KNSTRN: variants seen among roughly 807,000 people sequenced by gnomAD.
KNSTRN encodes the protein kinetochore localized astrin (SPAG5) binding protein.
KNSTRN carries 38 observed loss-of-function variants against 44.7 expected under a neutral mutation model. That is an observed-to-expected ratio of 0.85 (90% CI 0.66 to 1.11). KNSTRN has a LOEUF of 1.11. Among genes scored for constraint, KNSTRN ranks in the 50% most tolerant of loss-of-function variants. KNSTRN has a pLI of 0.00. For synonymous variants in KNSTRN, 158 were observed against 148.1 expected, an observed-to-expected ratio of 1.07 and a Z score of -0.48; for missense variants, 406 against 375.8, an observed-to-expected ratio of 1.08 and a Z score of -0.66.
rs1342873455 is a variant in KNSTRN, at chr15:40,391,486, C to T, written c.686-7C>T. 6.2e-7 allele frequency: 1 copy of T among 1,612,690 alleles called. No homozygotes were observed. Among genetic ancestry groups the T allele is most frequent in the Admixed American group, 1.7e-5 (1 of 60,006 alleles). Reference sequence around the variant, plus strand: ...CTAAGTGAGATTGACTTTGTTGTATCCATCAGCTTTAGGCAGTGAGACCCT... The same window carrying T: ...CTAAGTGAGATTGACTTTGTTGTATTCATCAGCTTTAGGCAGTGAGACCCT... On this transcript the variant is annotated splice_polypyrimidine_tract_variant and splice_region_variant and intron_variant, in intron 6 of 8. Coordinates refer to ENST00000249776, the MANE Select transcript of KNSTRN (RefSeq NM_033286.4).
rs763375505 is a variant in KNSTRN at position 40,389,536 on chromosome 15, G to A, written c.516G>A (p.Glu172=). The change falls in exon 5 of 9, where the codon GAG becomes GAA. Residue 172 remains glutamate (E), a synonymous_variant. Transcript: ENST00000249776. The part of the protein sequence containing the change: ...GYKPLSKQKS[E]EELKDKNQLL... ...AACCACTGAGTAAGCAAAAATCAGAGGAAGAGCTCAAGGACAAGAACCAGC... is the reference window on the plus strand; with the variant it reads ...AACCACTGAGTAAGCAAAAATCAGAAGAAGAGCTCAAGGACAAGAACCAGC... 4.3e-6 allele frequency: 7 copies of A among 1,614,040 alleles called. No individual in the cohort carries two copies. The highest frequency in any genetic ancestry group is 1.3e-5 in the African/African-American group (1 of 75,044).
At position 40,388,719 on chromosome 15, in the gene KNSTRN, G is replaced by A. The variant is rs574736730; in HGVS notation, c.486-787G>A. Among the ~76,000 whole-genome samples the A allele has an allele frequency of 1.3e-3, 204 of 151,942 alleles. 1 individual carries two copies. Among genetic ancestry groups the A allele is most frequent in the African/African-American group, 4.8e-3 (197 of 41,440 alleles). On this transcript the variant is annotated intron_variant, in intron 4 of 8. Coordinates refer to ENST00000249776, the MANE Select transcript of KNSTRN (RefSeq NM_033286.4). ...CAAAAAAAAAAAAAAATGCCTTTAA[G>A]TGGTTTTCCGCCCTTGGCAGGCCAG...
In KNSTRN at chr15:40,383,031, C is replaced by T. The variant is rs530736529; in HGVS notation, c.196C>T (p.Arg66Trp). The change falls in exon 1 of 9, where the codon CGG becomes TGG. Residue 66 changes from arginine (R) to tryptophan (W), a missense_variant. Transcript: ENST00000249776. ...GAGCGAGAAGGACTGCGGGCAGGAC[C>T]GGCGGGCTCCTGGGTTCGGCTCTCC... ...NESEKDCGQD[R>W]RAPGVQPCRL... 1.3e-5 allele frequency: 21 copies of T among 1,610,702 alleles called. No individual in the cohort carries two copies. Among genetic ancestry groups the T allele is most frequent in the South Asian group, 8.8e-5 (8 of 91,006 alleles).
At chr15:40,389,653 C>G (rs78604110) in intron 5 of KNSTRN, 42 bp downstream of exon 5, 157,342 of 1,451,218 alleles carry the variant, frequency 0.11, 9,595 homozygotes, top group Non-Finnish European at 0.13. Context: ...TGCCACTGGG[C>G]GATCCACATG....
In KNSTRN at chr15:40,382,958, C is replaced by T. The variant is rs962748184; in HGVS notation, c.123C>T (p.Ala41=). The change falls in exon 1 of 9, where the codon GCC becomes GCT. Residue 41 remains alanine, a synonymous_variant. Transcript: ENST00000249776. ...YRKFLFETQA[A]DLAGGTTVAA... ...AGTTTCTATTTGAAACCCAGGCGGC[C>T]GACTTAGCCGGTGGCACGACAGTTG... 4 of 1,612,260 alleles carry T rather than the reference C, an allele frequency of 2.5e-6. No homozygotes were observed. Among genetic ancestry groups the T allele is most frequent in the Non-Finnish European group, 3.4e-6 (4 of 1,180,032 alleles).
chr15:40,392,305 G>C (rs1465663954), intron 8 of KNSTRN, among the ~76,000 whole-genome samples: 1 of 151,752 alleles, frequency 6.6e-6, no homozygotes, highest in Non-Finnish European at 1.5e-5. Context: ...CCTAGGTATT[G>C]AGCCCAGCAT....
chr15:40,384,486 G>A (rs996123592), intron 2 of KNSTRN: 3 of 455,720 alleles, frequency 6.6e-6, no homozygotes, highest in East Asian at 1.4e-4. Flanking sequence ...TGGCACCAGC[G>A]GGGACTAGGA....
At chr15:40,387,301 T>C (rs143504447) in intron 4 of KNSTRN, 95 bp downstream of exon 4, 2 of 1,051,676 alleles carry the variant, frequency 1.9e-6, no homozygotes, top group African/African-American at 1.6e-5. Flanking sequence ...ACTTGTTTAC[T>C]GTGTTAGGGT....
chr15:40,390,862 G>A (rs1238514058), intron 6 of KNSTRN, among the ~76,000 whole-genome samples: 1 of 152,132 alleles, frequency 6.6e-6, no homozygotes, highest in Non-Finnish European at 1.5e-5. Flanking sequence ...TGATCTGCCT[G>A]TCTCGGCCTC....
Position 40,393,535 on chromosome 15 carries a change from A to G in KNSTRN, c.889A>G (p.Asn297Asp). Reference sequence around the variant, plus strand: ...ATTCCTAGAACAGCAAACCTTATGTAACAATCAAGTAAATGATTTAACAAC... The same window carrying G: ...ATTCCTAGAACAGCAAACCTTATGTGACAATCAAGTAAATGATTTAACAAC... ...VRFLEQQTLC[N>D]NQVNDLTTAL... The change falls in exon 9 of 9, where the codon AAC becomes GAC. Residue 297 changes from asparagine (N) to aspartate (D), a missense_variant. By Grantham distance (23) the Asn-to-Asp change is conservative. Coordinates refer to ENST00000249776, the MANE Select transcript of KNSTRN (RefSeq NM_033286.4). The G allele has an allele frequency of 6.2e-7, 1 of 1,614,154 alleles. No homozygotes were observed. The highest frequency in any genetic ancestry group is 1.1e-5 in the South Asian group (1 of 91,086).
chr15:40,388,978 T>G (rs567296868), intron 4 of KNSTRN, among the ~76,000 whole-genome samples: 3 of 152,286 alleles, frequency 2.0e-5, no homozygotes, highest in Admixed American at 2.0e-4. Flanking sequence ...ACGTGTTTTC[T>G]CTCTTATTAC....
intron 3 of KNSTRN, 80 bp from the exon 4 acceptor site, chr15:40,387,079 A>G (rs1009378579): frequency 3.9e-6 from 4 of 1,038,748 alleles, no homozygotes; most frequent in African/African-American, 3.1e-5. Flanking sequence ...CAGAAACTCA[A>G]GCTCTTTGTT....
chr15:40,384,747 A>T, intron 2 of KNSTRN: 1 of 189,738 alleles, frequency 5.3e-6, no homozygotes, highest in Non-Finnish European at 1.1e-5. Context: ...CATGTGAAAA[A>T]AAAAAAGGTG....
rs780754773 is a variant in KNSTRN at position 40,382,815 on chromosome 15, T to A, written c.-21T>A. 1 of 1,605,454 alleles carries A rather than the reference T, an allele frequency of 6.2e-7. No homozygotes were observed. The highest frequency in any genetic ancestry group is 1.7e-5 in the Admixed American group (1 of 58,684). ...TTTCGCTAGGTCTGGCTCTGGCCTC[T>A]GAGCGAACCTTCCGTACAGTATGGC... On this transcript the variant is annotated 5_prime_UTR_variant, in exon 1 of 9. Transcript: ENST00000249776.
intron 4 of KNSTRN, chr15:40,389,195 C>T: frequency 8.5e-6 from 4 of 470,322 alleles, no homozygotes; most frequent in Non-Finnish European, 1.7e-5. Context: ...GCCACCCAGG[C>T]TGGAGTGCAA....
At chr15:40,393,382 A>G in intron 8 of KNSTRN, 87 bp from the exon 9 acceptor site, 1 of 1,592,112 alleles carries the variant, frequency 6.3e-7, no homozygotes, top group Non-Finnish European at 8.5e-7. Context: ...GAATAGGAGC[A>G]TAATGTTCTG....
chr15:40,389,267 G>C, intron 4 of KNSTRN: 1 of 498,468 alleles, frequency 2.0e-6, no homozygotes, highest in Non-Finnish European at 3.8e-6. Context: ...TCCTGCCTCA[G>C]CCTCCCAAAT....
chr15:40,393,248 A>C, intron 8 of KNSTRN: 1 of 1,613,912 alleles, frequency 6.2e-7, no homozygotes, highest in Non-Finnish European at 8.5e-7. Context: ...TCATCGTTCC[A>C]GTTTAGATAC....
In KNSTRN at chr15:40,389,851, C is replaced by T; in HGVS notation, c.607C>T (p.Leu203=). ...LTETQGELKD[L]TQKVELLEKF... is the part of the protein sequence containing the mutation. ...GCTCCAATAGGGAGAGCTGAAGGAC[C>T]TGACCCAGAAGGTAGAGCTGCTGGA... is the stretch of plus-strand genomic sequence containing the variant. Residue 203 remains leucine, a synonymous_variant, in exon 6 of 9, where the codon CTG becomes TTG. Transcript: ENST00000249776. The T allele has an allele frequency of 1.2e-6, 2 of 1,614,190 alleles. No individual in the cohort carries two copies. The highest frequency in any genetic ancestry group is 8.5e-7 in the Non-Finnish European group (1 of 1,180,006).
Sources: allele counts gnomAD v4.1 joint callset (sites outside exome capture counted in the v4.1 genomes callset), GRCh38; gene constraint gnomAD v4.1.1; transcripts MANE v1.5; gene names NCBI Gene and HGNC (gene_info 2026-07-23, HGNC 2026-07-21).